The following PLEKHG3 variants were observed in gnomAD, a reference collection of about 807,000 sequenced individuals.
PLEKHG3 encodes pleckstrin homology domain-containing family G member 3.
Under a neutral mutation model 94.9 loss-of-function variants are expected in PLEKHG3, and 62 were observed. The ratio of observed to expected loss-of-function variants is 0.65; its 90% CI spans 0.53 to 0.81. The LOEUF is 0.81. Among genes scored for constraint, PLEKHG3 ranks in the 30% least tolerant of loss-of-function variants. PLEKHG3 has a pLI of 0.00. For synonymous variants in PLEKHG3, 614 were observed against 654.0 expected (o/e 0.94, Z 0.93); for missense variants, 1,461 against 1,619.3 (o/e 0.90, Z 1.68).
intron 16 of PLEKHG3, among the ~76,000 whole-genome samples, chr14:64,742,700 C>T (rs2139399230): frequency 6.6e-6 from 1 of 152,334 alleles, no homozygotes; most frequent in South Asian, 2.1e-4. Context: ...CCAGCAGAGG[C>T]TTCTGGAGGA....
rs1400895653 is a variant in PLEKHG3 at position 64,741,540 on chromosome 14, G to T, written c.2023G>T (p.Val675Leu). The change falls in exon 16 of 17, where the codon GTG becomes TTG. Residue 675 changes from valine (V) to leucine (L), a missense_variant. Val to Leu is a conservative substitution (Grantham distance 32). Coordinates refer to ENST00000247226, the MANE Select transcript of PLEKHG3 (RefSeq NM_001308147.2). ...CCCAGAAGTGGACATCAGTGTGGGG[G>T]TGGCCACAGAGGACAGCCCTTCTGT... Reference protein sequence around the residue: ...LSPEVDISVGVATEDSPSVNG... With the variant: ...LSPEVDISVGLATEDSPSVNG... 3 of 1,612,820 alleles carry T rather than the reference G, an allele frequency of 1.9e-6. No individual in the cohort carries two copies. The highest frequency in any genetic ancestry group is 1.7e-5 in the Admixed American group (1 of 60,008).
rs1566693905 is a variant in PLEKHG3, at chr14:64,716,467, A to ACAC, written c.-39-11125_-39-11123dup. On this transcript the variant is annotated intron_variant, in intron 1 of 16. Transcript: ENST00000247226. This position sits in a 1 kb window ranked among gnomAD's most constrained non-coding sequence, Gnocchi z 5.0. ...ACACACACACACACACACACACACA[A>ACAC]CACACACACACACAACACACACACA... Among the ~76,000 whole-genome samples the ACAC allele has an allele frequency of 5.2e-4, 30 of 58,194 alleles. No individual in the cohort carries two copies. The South Asian group carries it at 5.5e-3, about 11-fold the overall frequency. 38.2% of individuals were successfully genotyped at this position (58,194 alleles called of 152,430 possible).
rs758210034 is a variant in PLEKHG3 at position 64,731,830 on chromosome 14, G to A, written c.1125+24G>A. 7.7e-6 allele frequency: 12 copies of A among 1,550,922 alleles called. No individual in the cohort carries two copies. Among genetic ancestry groups the A allele is most frequent in the Admixed American group, 1.7e-5 (1 of 59,896 alleles). On this transcript the variant is annotated intron_variant, in intron 9 of 16. Coordinates refer to ENST00000247226, the MANE Select transcript of PLEKHG3 (RefSeq NM_001308147.2). This position sits in a 1 kb window ranked among gnomAD's most constrained non-coding sequence, Gnocchi z 6.1. ...AGGTGAGGGGAAGGTGGGGCTCAGG[G>A]GCTAGGGAACAAGATGCCCAGGGGA...
Position 64,749,755 on chromosome 14 carries a change from G to C in PLEKHG3, c.*6052G>C. On this transcript the variant is annotated 3_prime_UTR_variant, in exon 17 of 17. Coordinates refer to ENST00000247226, the MANE Select transcript of PLEKHG3 (RefSeq NM_001308147.2). This position sits in a 1 kb window ranked among gnomAD's most constrained non-coding sequence, Gnocchi z 4.7. ...ACCTCTGGAGGGGGCGCTGGGCAGA[G>C]GGCTGGCTCTGATCCCACAATACCC... 1 of 1,594,604 alleles carries C rather than the reference G, an allele frequency of 6.3e-7. No individual in the cohort carries two copies. Among genetic ancestry groups the C allele is most frequent in the Non-Finnish European group, 8.6e-7 (1 of 1,169,034 alleles).
rs1331983004 is a variant in PLEKHG3, at chr14:64,723,545, G to A, written c.-39-4048G>A. ...AGATGGAGTCTCATGCTGTCACCCA[G>A]GCTGGAGTACAGTGGCGCGATCTCA... On this transcript the variant is annotated intron_variant, in intron 1 of 16. Transcript: ENST00000247226. This position sits in a 1 kb window ranked among gnomAD's most constrained non-coding sequence, Gnocchi z 4.5. Among the ~76,000 whole-genome samples, 1 of 152,102 alleles carries A rather than the reference G, an allele frequency of 6.6e-6. No homozygotes were observed. The highest frequency in any genetic ancestry group is 1.5e-5 in the Non-Finnish European group (1 of 68,032).
chr14:64,737,439 C>A, intron 14 of PLEKHG3, 64 bp downstream of exon 14: 2 of 1,163,950 alleles, frequency 1.7e-6, no homozygotes, highest in Non-Finnish European at 2.4e-6. Flanking sequence ...AGGTCAGCCC[C>A]CGGCCCCTTC....
In PLEKHG3 at chr14:64,741,843, C is replaced by T. The variant is rs774540706; in HGVS notation, c.2326C>T (p.Gln776Ter). ...AGTACCTCCAGTGGGGAGCAAGAGA[C>T]AGGTGGGCTCCCGGCCGACTTCGTG... ...EPVPPVGSKR[Q>*]VGSRPTSWAL... The change falls in exon 16 of 17, where the codon CAG becomes TAG. Residue 776 changes from glutamine to a stop codon, truncating the protein, a stop_gained. Coordinates refer to ENST00000247226, the MANE Select transcript of PLEKHG3 (RefSeq NM_001308147.2). LOFTEE classifies it high-confidence loss of function. The T allele has an allele frequency of 6.2e-7, 1 of 1,613,510 alleles. No homozygotes were observed. The highest frequency in any genetic ancestry group is 8.5e-7 in the Non-Finnish European group (1 of 1,180,016).
At position 64,748,169 on chromosome 14, in the gene PLEKHG3, C is replaced by G. The variant is rs955826866; in HGVS notation, c.*4466C>G. 1.3e-5 allele frequency: 2 copies of G among 149,610 alleles called. No homozygotes were observed. Among genetic ancestry groups the G allele is most frequent in the African/African-American group, 5.1e-5 (2 of 39,016 alleles). 9.3% of individuals were successfully genotyped at this position (149,610 alleles called of 1,614,324 possible). Reference sequence around the variant, plus strand: ...GTAGCTGTCACATGGGTGGTGATACCAAGACATGGCTGCGTCTGCCACCCC... The same window carrying G: ...GTAGCTGTCACATGGGTGGTGATACGAAGACATGGCTGCGTCTGCCACCCC... On this transcript the variant is annotated 3_prime_UTR_variant, in exon 17 of 17. Coordinates refer to ENST00000247226, the MANE Select transcript of PLEKHG3 (RefSeq NM_001308147.2).
intron 13 of PLEKHG3, 179 bp downstream of exon 13, chr14:64,737,070 G>T: frequency 1.5e-6 from 1 of 680,984 alleles, no homozygotes; most frequent in Non-Finnish European, 2.7e-6. Flanking sequence ...GAGGAGAGGG[G>T]CTGGAGCTCT....
chr14:64,726,979 CAG>C lies in PLEKHG3; in HGVS notation c.-39-613_-39-612del, dbSNP rs370457818. On this transcript the variant is annotated intron_variant, in intron 1 of 16. Transcript: ENST00000247226. The surrounding 1 kb of genome is among the most constrained non-coding windows in gnomAD (Gnocchi z 5.1). ...CAGTGACCCCAGCACAGGCCACAGA[CAG>C]GGGGGCACTTGGGAAGTTCTTCTTC... is the stretch of plus-strand genomic sequence containing the variant. 9.4e-4 allele frequency among the ~76,000 whole-genome samples: 143 copies of C among 152,286 alleles called. No homozygotes were observed. Among genetic ancestry groups the C allele is most frequent in the African/African-American group, 2.9e-3 (120 of 41,558 alleles).
Position 64,731,418 on chromosome 14 carries a change from C to T in PLEKHG3, c.907C>T (p.Leu303Phe), listed in dbSNP as rs2081460880. The change falls in exon 8 of 17, where the codon CTT (leucine) becomes TTT (phenylalanine). Residue 303 changes from leucine to phenylalanine, a missense_variant. Around this residue, in one of 3 missense-constraint regions of PLEKHG3, gnomAD observed 1,201 missense variants for 1,295.5 expected, o/e 0.93. Coordinates refer to ENST00000247226, the MANE Select transcript of PLEKHG3 (RefSeq NM_001308147.2). The surrounding 1 kb of genome is among the most constrained non-coding windows in gnomAD (Gnocchi z 6.1). The stretch of plus-strand genomic sequence containing the variant: ...GCCCGACCTGACCACCTACGGGGAG[C>T]TTGTCCTGGAGGGCACATTCCGCGT... Reference protein sequence around the residue: ...KGPDLTTYGELVLEGTFRVHR... With the variant: ...KGPDLTTYGEFVLEGTFRVHR... 1 of 1,614,038 alleles carries T rather than the reference C, an allele frequency of 6.2e-7. No individual in the cohort carries two copies. The highest frequency in any genetic ancestry group is 8.5e-7 in the Non-Finnish European group (1 of 1,179,906).
chr14:64,730,760 C>T lies in PLEKHG3; in HGVS notation c.567-39C>T, dbSNP rs1244624524. On this transcript the variant is annotated intron_variant, in intron 5 of 16. Transcript: ENST00000247226. The surrounding 1 kb of genome is among the most constrained non-coding windows in gnomAD (Gnocchi z 5.4). ...AGAGCCCCCCACTTCCTCATCCAGG[C>T]CTTCCCCAGGTGGTGACTGGCCCTT... is the stretch of plus-strand genomic sequence containing the variant. 3.1e-6 allele frequency: 5 copies of T among 1,612,372 alleles called. No homozygotes were observed. The highest frequency in any genetic ancestry group is 1.1e-5 in the South Asian group (1 of 90,986).
In PLEKHG3 at chr14:64,729,051, G is replaced by A. The variant is rs954074976; in HGVS notation, c.407G>A (p.Ser136Asn). The A allele has an allele frequency of 3.9e-6, 6 of 1,528,318 alleles. No individual in the cohort carries two copies. In the Admixed American group the frequency reaches 9.8e-5, roughly 25 times the overall value. The allele number at this position is 1,528,318 out of a possible 1,614,324, so 94.7% of individuals were successfully genotyped here. A position where few individuals can be genotyped will look rare whatever the true frequency, so the allele number is the denominator to read the frequency against. The change falls in exon 3 of 17, where the codon AGC (serine) becomes AAC (asparagine). Residue 136 changes from serine to asparagine, a missense_variant. Coordinates refer to ENST00000247226, the MANE Select transcript of PLEKHG3 (RefSeq NM_001308147.2). ...TPGLLKPEQVSALFGNIENIY... is the reference protein window; with the variant it reads ...TPGLLKPEQVNALFGNIENIY... Reference sequence around the variant, plus strand: ...GGGCTGCTGAAGCCAGAACAGGTCAGCGCCCTCTTTGGGAACATAGAAAAT... The same window carrying A: ...GGGCTGCTGAAGCCAGAACAGGTCAACGCCCTCTTTGGGAACATAGAAAAT...
At position 64,715,891 on chromosome 14, in the gene PLEKHG3, G is replaced by A. The variant is rs1265380224; in HGVS notation, c.-40+11187G>A. 12 of 367,446 alleles carry A rather than the reference G, an allele frequency of 3.3e-5. No homozygotes were observed. The highest frequency in any genetic ancestry group is 2.3e-4 in the African/African-American group (11 of 46,844). The allele number at this position is 367,446 out of a possible 1,614,324, so 22.8% of individuals were successfully genotyped here. A position where few individuals can be genotyped will look rare whatever the true frequency, so the allele number is the denominator to read the frequency against. The stretch of plus-strand genomic sequence containing the variant: ...GAAATGCAGAAAGTATGACCCACAC[G>A]CAGAACTGGTTCTGAATAGAACATT... On this transcript the variant is annotated intron_variant, in intron 1 of 16. Transcript: ENST00000247226. The surrounding 1 kb of genome is among the most constrained non-coding windows in gnomAD (Gnocchi z 4.4).
chr14:64,730,345 C>T lies in PLEKHG3; in HGVS notation c.519+33C>T, dbSNP rs2081435173. Reference sequence around the variant, plus strand: ...GGGCTGGGTCCTTGCCTCTGTCCTACCTTGCTGAGAGCTCAGAGAGACAAG... The same window carrying T: ...GGGCTGGGTCCTTGCCTCTGTCCTATCTTGCTGAGAGCTCAGAGAGACAAG... On this transcript the variant is annotated intron_variant, in intron 4 of 16. Transcript: ENST00000247226. This position sits in a 1 kb window ranked among gnomAD's most constrained non-coding sequence, Gnocchi z 5.4. 7.2e-7 allele frequency: 1 copy of T among 1,391,152 alleles called. No homozygotes were observed. Among genetic ancestry groups the T allele is most frequent in the Non-Finnish European group, 9.9e-7 (1 of 1,014,502 alleles). 86.2% of individuals were successfully genotyped at this position (1,391,152 alleles called of 1,614,324 possible).
In PLEKHG3 at chr14:64,750,166, C is replaced by T. The variant is rs199738056; in HGVS notation, c.*6463C>T. On this transcript the variant is annotated 3_prime_UTR_variant, in exon 17 of 17. Transcript: ENST00000247226. ...GGTTGTTCCAGGACCTGCAAAGATG[C>T]AGACAGGCAGGTCACCCACATCCTG... 71 of 1,608,734 alleles carry T rather than the reference C, an allele frequency of 4.4e-5. No individual in the cohort carries two copies. Among genetic ancestry groups the T allele is most frequent in the Non-Finnish European group, 5.8e-5 (68 of 1,175,686 alleles).
rs2081861196 is a variant in PLEKHG3 at position 64,747,253 on chromosome 14, A to G, written c.*3550A>G. On this transcript the variant is annotated 3_prime_UTR_variant, in exon 17 of 17. Coordinates refer to ENST00000247226, the MANE Select transcript of PLEKHG3 (RefSeq NM_001308147.2). ...GCTCCCTAAAGACTGGCCCAGGGAA[A>G]CAGTTGAGGGAGATGTTTGCCACCA... The G allele has an allele frequency of 6.6e-6, 1 of 152,488 alleles. No individual in the cohort carries two copies. The highest frequency in any genetic ancestry group is 2.1e-4 in the South Asian group (1 of 4,832). 9.4% of individuals were successfully genotyped at this position (152,488 alleles called of 1,614,324 possible). A position where few individuals can be genotyped will look rare whatever the true frequency, so the allele number is the denominator to read the frequency against.
chr14:64,742,467 G>A lies in PLEKHG3; in HGVS notation c.2938+12G>A, dbSNP rs768925258. The A allele has an allele frequency of 6.3e-7, 1 of 1,575,020 alleles. No individual in the cohort carries two copies. The highest frequency in any genetic ancestry group is 1.4e-5 in the African/African-American group (1 of 73,930). ...ATTAGGTGGCAAAGGTATGACAGAA[G>A]CGGCAAGTGGGCCCTTCCCCAAGTC... is the stretch of plus-strand genomic sequence containing the variant. On this transcript the variant is annotated intron_variant, in intron 16 of 16. Transcript: ENST00000247226.
Position 64,738,924 on chromosome 14 carries a change from T to C in PLEKHG3, c.1518+69T>C. The stretch of plus-strand genomic sequence containing the variant: ...GAGTCCAGATTTTCAAGTCTGCAAA[T>C]AGGGCTTTCAGGCACAGGCTCTCCC... On this transcript the variant is annotated intron_variant, in intron 15 of 16. Coordinates refer to ENST00000247226, the MANE Select transcript of PLEKHG3 (RefSeq NM_001308147.2). The surrounding 1 kb of genome is among the most constrained non-coding windows in gnomAD (Gnocchi z 4.8). 5.0e-6 allele frequency: 5 copies of C among 993,714 alleles called. No individual in the cohort carries two copies. Among genetic ancestry groups the C allele is most frequent in the Non-Finnish European group, 7.8e-6 (5 of 639,836 alleles). 61.6% of individuals were successfully genotyped at this position (993,714 alleles called of 1,614,324 possible). A position where few individuals can be genotyped will look rare whatever the true frequency, so the allele number is the denominator to read the frequency against.
Sources: allele counts gnomAD v4.1 joint callset (sites outside exome capture counted in the v4.1 genomes callset), GRCh38; gene constraint gnomAD v4.1.1; regional missense constraint gnomAD v4.1.1; non-coding constraint Gnocchi (gnomAD v3.1); transcripts MANE v1.5; gene names NCBI Gene and HGNC (gene_info 2026-07-23, HGNC 2026-07-21).